Variants in WNK1 observed in about 807,000 individuals in gnomAD.
The protein encoded by WNK1 is serine/threonine-protein kinase WNK1.
In WNK1, 38 loss-of-function variants were observed where a neutral mutation model predicts 222.8. That is an observed-to-expected ratio of 0.17 (90% CI 0.13 to 0.22). WNK1 has a LOEUF of 0.22. WNK1 is among the 10% of genes least tolerant of loss of function. The pLI, the probability that WNK1 is intolerant of heterozygous loss-of-function variation, is 1.00. For synonymous variants in WNK1, 1,090 were observed against 1,092.9 expected (o/e 1.00, Z 0.05); for missense variants, 2,348 against 2,918.4 (o/e 0.80, Z 4.50).
intron 2 of WNK1, among the ~76,000 whole-genome samples, chr12:818,575 A>G (rs1947575031): frequency 6.6e-6 from 1 of 152,184 alleles, no homozygotes; most frequent in African/African-American, 2.4e-5. Context: ...TTTCTGTGCA[A>G]TTTCTAGAAT....
chr12:884,937 C>T lies in WNK1; in HGVS notation c.4133C>T (p.Pro1378Leu), dbSNP rs750868201. The T allele has an allele frequency of 1.9e-6, 3 of 1,614,148 alleles. No homozygotes were observed. The South Asian group carries it at 3.3e-5, about 18-fold the overall frequency. ...TSVIQSEVTV[P>L]TEEGIAGVAT... ...GTAATTCAGTCTGAGGTTACAGTGCCCACTGAAGAGGGGATTGCTGGAGTT... is the reference window on the plus strand; with the variant it reads ...GTAATTCAGTCTGAGGTTACAGTGCTCACTGAAGAGGGGATTGCTGGAGTT... Residue 1378 changes from proline (P) to leucine (L), a missense_variant, in exon 19 of 28, where the codon CCC (proline) becomes CTC (leucine). By Grantham distance (98) the Pro-to-Leu change is moderately conservative. Transcript: ENST00000315939. The surrounding 1 kb of genome is among the most constrained non-coding windows in gnomAD (Gnocchi z 5.6).
chr12:798,312 C>T (rs1256330847), intron 1 of WNK1, among the ~76,000 whole-genome samples: 2 of 152,122 alleles, frequency 1.3e-5, no homozygotes, highest in Non-Finnish European at 1.5e-5. Flanking sequence ...CCACCTCAGC[C>T]TCCTGAATAG....
At position 908,956 on chromosome 12, in the gene WNK1, G is replaced by A. The variant is rs767710474; in HGVS notation, c.*164G>A. 609 of 797,572 alleles carry A rather than the reference G, an allele frequency of 7.6e-4. 2 individuals are homozygous for A. Among genetic ancestry groups the A allele is most frequent in the Non-Finnish European group, 9.8e-4 (490 of 498,892 alleles). 49.4% of individuals were successfully genotyped at this position (797,572 alleles called of 1,614,324 possible). On this transcript the variant is annotated 3_prime_UTR_variant, in exon 28 of 28. Coordinates refer to ENST00000315939, the MANE Select transcript of WNK1 (RefSeq NM_018979.4). Reference sequence around the variant, plus strand: ...AATACTGCATTGAGCCCTCAGAATGGAGAGTCTCCCCCGCTCCAGTTATTG... The same window carrying A: ...AATACTGCATTGAGCCCTCAGAATGAAGAGTCTCCCCCGCTCCAGTTATTG...
intron 10 of WNK1, among the ~76,000 whole-genome samples, 165 bp downstream of exon 10, chr12:878,526 A>C (rs181066890): frequency 3.3e-5 from 5 of 152,300 alleles, no homozygotes; most frequent in African/African-American, 1.2e-4. Context: ...AATGAAGTGA[A>C]GATCACCTCA....
chr12:885,350 C>G lies in WNK1; in HGVS notation c.4546C>G (p.Pro1516Ala), dbSNP rs1183688055. The stretch of plus-strand genomic sequence containing the variant: ...TCAGCTTAGCAGCAGTACTTCTACT[C>G]CTACTTTAGCTGAAACCGTGGTAGT... Reference protein sequence around the residue: ...CIQLSSSTSTPTLAETVVVSA... With the variant: ...CIQLSSSTSTATLAETVVVSA... The change falls in exon 19 of 28, where the codon CCT becomes GCT. Residue 1516 changes from proline to alanine, a missense_variant. This residue lies in a region of WNK1 where 1,144 missense variants were observed against 1,273.6 expected (regional missense o/e 0.90). Coordinates refer to ENST00000315939, the MANE Select transcript of WNK1 (RefSeq NM_018979.4). 6.2e-7 allele frequency: 1 copy of G among 1,614,016 alleles called. No homozygotes were observed.
At chr12:835,337 T>TA (rs1226101729) in intron 4 of WNK1, among the ~76,000 whole-genome samples, 1 of 151,712 alleles carries the variant, frequency 6.6e-6, no homozygotes, top group South Asian at 2.1e-4. Context: ...AAGCCTGTCT[T>TA]AAAAAAACAA....
At chr12:880,104 A>G (rs1953015194) in intron 11 of WNK1, 73 bp downstream of exon 11, 2 of 1,424,124 alleles carry the variant, frequency 1.4e-6, no homozygotes, top group Non-Finnish European at 2.0e-6. Context: ...ATGGAAATCT[A>G]ATAGTTGAGT....
chr12:810,095 C>T (rs1036225375), intron 1 of WNK1, among the ~76,000 whole-genome samples: 1 of 152,084 alleles, frequency 6.6e-6, no homozygotes, highest in African/African-American at 2.4e-5. Context: ...ACTAAAAATA[C>T]AAAAATTAGC....
chr12:793,215 A>G (rs1409438581), intron 1 of WNK1, among the ~76,000 whole-genome samples: 1 of 152,202 alleles, frequency 6.6e-6, no homozygotes. Context: ...GCTTTTTATG[A>G]TGAATGAATG....
chr12:881,611 GA>G, intron 12 of WNK1, 80 bp from the exon 13 acceptor site: 1 of 1,197,524 alleles, frequency 8.4e-7, no homozygotes, highest in Non-Finnish European at 1.2e-6. Context: ...GAGGGATAAG[GA>G]AAAAAATAAG....
rs538685828 is a variant in WNK1, at chr12:911,284, A to G, written c.*2492A>G. 1 of 398,636 alleles carries G rather than the reference A, an allele frequency of 2.5e-6. No individual in the cohort carries two copies. Among genetic ancestry groups the G allele is most frequent in the Non-Finnish European group, 4.4e-6 (1 of 226,054 alleles). 24.7% of individuals were successfully genotyped at this position (398,636 alleles called of 1,614,324 possible). On this transcript the variant is annotated 3_prime_UTR_variant, in exon 28 of 28. Coordinates refer to ENST00000315939, the MANE Select transcript of WNK1 (RefSeq NM_018979.4). ...TTTAACAATGTACACTGTTAAAAAT[A>G]AAAATAAAAATTCAAACTTTGGGGG...
intron 4 of WNK1, among the ~76,000 whole-genome samples, chr12:848,885 C>T (rs1262098979): frequency 1.3e-5 from 2 of 152,132 alleles, no homozygotes; most frequent in Admixed American, 6.5e-5. Flanking sequence ...GTGCCTACAT[C>T]GTACCTTTGT....
rs116777040 is a variant in WNK1, at chr12:778,897, G to T, written c.759+24573G>T. 3.9e-5 allele frequency among the ~76,000 whole-genome samples: 6 copies of T among 152,192 alleles called. No homozygotes were observed. In the East Asian group the frequency reaches 1.2e-3, roughly 29 times the overall value. ...TAAGGTTCTAAAAATATGAGCAAAA[G>T]CTGGTACTACCAGGAAATTCAAATT... On this transcript the variant is annotated intron_variant, in intron 1 of 27. Coordinates refer to ENST00000315939, the MANE Select transcript of WNK1 (RefSeq NM_018979.4).
intron 1 of WNK1, among the ~76,000 whole-genome samples, chr12:798,822 G>C (rs1488595483): frequency 1.3e-5 from 2 of 151,872 alleles, no homozygotes; most frequent in Non-Finnish European, 2.9e-5. Flanking sequence ...TGACACTCGT[G>C]GTATTTCTCC....
At chr12:834,714 A>C (rs1949048433) in intron 4 of WNK1, among the ~76,000 whole-genome samples, 1 of 152,184 alleles carries the variant, frequency 6.6e-6, no homozygotes, top group Non-Finnish European at 1.5e-5. Context: ...TGCTTAGCAC[A>C]GTAGATAGTA....
intron 4 of WNK1, among the ~76,000 whole-genome samples, chr12:850,658 G>C (rs1950355521): frequency 6.6e-6 from 1 of 152,218 alleles, no homozygotes; most frequent in Non-Finnish European, 1.5e-5. Flanking sequence ...CCTATGTCCT[G>C]AATGGTACTG....
At position 885,080 on chromosome 12, in the gene WNK1, A is replaced by G. The variant is rs755717644; in HGVS notation, c.4276A>G (p.Thr1426Ala). 8 of 1,614,178 alleles carry G rather than the reference A, an allele frequency of 5.0e-6. No homozygotes were observed. The highest frequency in any genetic ancestry group is 1.7e-5 in the Admixed American group (1 of 60,024). ...ITIPAVVSISTTSPSLQVPTS... is the reference protein window; with the variant it reads ...ITIPAVVSISATSPSLQVPTS... ...AATACCTGCAGTTGTCTCAATATCTACTACATCCCCGTCACTTCAAGTCCC... is the reference window on the plus strand; with the variant it reads ...AATACCTGCAGTTGTCTCAATATCTGCTACATCCCCGTCACTTCAAGTCCC... The change falls in exon 19 of 28, where the codon ACT becomes GCT. Residue 1426 changes from threonine (T) to alanine (A), a missense_variant. Around this residue, in one of 13 missense-constraint regions of WNK1, gnomAD observed 1,144 missense variants for 1,273.6 expected, o/e 0.90. Coordinates refer to ENST00000315939, the MANE Select transcript of WNK1 (RefSeq NM_018979.4).
chr12:909,022 G>A lies in WNK1; in HGVS notation c.*230G>A. ...GAAAGAACAGCTTTTTTGTCAAGGG[G>A]CAGCTTCAGACCATGCTTTCCTGTT... On this transcript the variant is annotated 3_prime_UTR_variant, in exon 28 of 28. Transcript: ENST00000315939. The A allele has an allele frequency of 1.7e-6, 1 of 573,348 alleles. No individual in the cohort carries two copies. The highest frequency in any genetic ancestry group is 2.0e-5 in the South Asian group (1 of 49,992). 35.5% of individuals were successfully genotyped at this position (573,348 alleles called of 1,614,324 possible).
intron 1 of WNK1, among the ~76,000 whole-genome samples, chr12:769,217 T>C (rs1319478033): frequency 6.6e-6 from 1 of 152,020 alleles, no homozygotes; most frequent in Non-Finnish European, 1.5e-5. Flanking sequence ...CCTTTTTTTT[T>C]TGACAGATTC....
Sources: gnomAD v4.1 joint callset for allele counts (sites outside exome capture counted in the v4.1 genomes callset) on GRCh38, gnomAD v4.1.1 for gene constraint, gnomAD v4.1.1 regional missense constraint, Gnocchi (gnomAD v3.1) non-coding constraint, MANE v1.5 for transcripts, NCBI Gene and HGNC (gene_info 2026-07-23, HGNC 2026-07-21) for gene names.